CACNA1A: variants seen among roughly 807,000 people sequenced by gnomAD.
The protein encoded by CACNA1A is calcium voltage-gated channel subunit alpha1 A, also known as voltage-dependent P/Q-type calcium channel subunit alpha-1A.
CACNA1A carries 57 observed loss-of-function variants against 262.4 expected under a neutral mutation model. That is an observed-to-expected ratio of 0.22 (90% CI 0.18 to 0.27). The LOEUF (loss-of-function observed/expected upper bound fraction) is 0.27. Among genes scored for constraint, CACNA1A ranks in the 10% least tolerant of loss-of-function variants. The pLI is 1.00. For synonymous variants in CACNA1A, 1,431 were observed against 1,419.3 expected (o/e 1.01, Z -0.18); for missense variants, 2,526 against 3,562.8 (o/e 0.71, Z 7.41).
At chr19:13,219,945 G>A (rs1347688430) in intron 38 of CACNA1A, among the ~76,000 whole-genome samples, 5 of 67,546 alleles carry the variant, frequency 7.4e-5, no homozygotes, top group Non-Finnish European at 1.1e-4. Flanking sequence ...ACAAGACTCC[G>A]TTTCAAAAAA....
chr19:13,307,861 GGA>G lies in CACNA1A; in HGVS notation c.1914-9_1914-8del. On this transcript the variant is annotated splice_region_variant and splice_polypyrimidine_tract_variant and intron_variant, in intron 14 of 46. Coordinates refer to ENST00000360228, the MANE Select transcript of CACNA1A (RefSeq NM_001127222.2). Reference sequence around the variant, plus strand: ...CCCTTCATCGAAATTAAACCTGCAGGGAGGACACAGACATTTCACGTTGGCCC... The same window carrying G: ...CCCTTCATCGAAATTAAACCTGCAGGGGACACAGACATTTCACGTTGGCCC... 1 of 1,613,066 alleles carries G rather than the reference GGA, an allele frequency of 6.2e-7. No homozygotes were observed. The highest frequency in any genetic ancestry group is 8.5e-7 in the Non-Finnish European group (1 of 1,179,060).
intron 3 of CACNA1A, among the ~76,000 whole-genome samples, chr19:13,378,467 T>C (rs2059454959): frequency 6.6e-6 from 1 of 151,238 alleles, no homozygotes; most frequent in Non-Finnish European, 1.5e-5. Context: ...AAAGGAAGAG[T>C]CGATGGATGC....
At chr19:13,442,175 G>A (rs761363953) in intron 3 of CACNA1A, among the ~76,000 whole-genome samples, 1 of 152,156 alleles carries the variant, frequency 6.6e-6, no homozygotes, top group Non-Finnish European at 1.5e-5. Context: ...TAATTTGGGA[G>A]GTAATGCAAG....
chr19:13,455,866 T>TAC (rs1285677805), intron 1 of CACNA1A, among the ~76,000 whole-genome samples: 1 of 121,008 alleles, frequency 8.3e-6, no homozygotes, highest in Non-Finnish European at 1.6e-5. Flanking sequence ...GGAGGCCCTG[T>TAC]CTCAAAAAAA....
chr19:13,324,866 C>G (rs553644641), intron 10 of CACNA1A, among the ~76,000 whole-genome samples: 39 of 152,286 alleles, frequency 2.6e-4, no homozygotes, highest in Non-Finnish European at 5.6e-4. Flanking sequence ...AGAGCAAGAA[C>G]CTGCCTTTAA....
chr19:13,500,064 T>A (rs1459334807), intron 1 of CACNA1A, among the ~76,000 whole-genome samples: 1 of 152,134 alleles, frequency 6.6e-6, no homozygotes, highest in African/African-American at 2.4e-5. Flanking sequence ...TCCAATCTAC[T>A]CAAGCACTAA....
Position 13,442,000 on chromosome 19 carries a change from C to G in CACNA1A, c.539+10876G>C, listed in dbSNP as rs950683661. Among the ~76,000 whole-genome samples the G allele has an allele frequency of 2.6e-5, 4 of 152,296 alleles. No homozygotes were observed. In the East Asian group the frequency reaches 5.8e-4, roughly 22 times the overall value. On this transcript the variant is annotated intron_variant, in intron 3 of 46. Coordinates refer to ENST00000360228, the MANE Select transcript of CACNA1A (RefSeq NM_001127222.2). The stretch of plus-strand genomic sequence containing the variant: ...GCCATCTGGCCTTTACTCAGTCCCT[C>G]TCCACCCCAGCTGGAGGCAGAGGGA...
intron 31 of CACNA1A, chr19:13,243,561 C>CT (rs770113082): frequency 2.7e-4 from 40 of 148,770 alleles, no homozygotes; most frequent in African/African-American, 4.7e-4. Context: ...TTCTTTCTTT[C>CT]TTTTTTTTTT....
At chr19:13,504,221 C>G (rs1982742714) in intron 1 of CACNA1A, among the ~76,000 whole-genome samples, 1 of 152,208 alleles carries the variant, frequency 6.6e-6, no homozygotes, top group Non-Finnish European at 1.5e-5. Context: ...CAAGCCACCC[C>G]TGAGCACTTC....
At chr19:13,317,808 T>C (rs1201220911) in intron 10 of CACNA1A, among the ~76,000 whole-genome samples, 3 of 152,336 alleles carry the variant, frequency 2.0e-5, no homozygotes, top group East Asian at 3.9e-4. Context: ...TGCCTACATA[T>C]AGTTTTGCTC....
At chr19:13,273,602 T>G (rs1266206896) in intron 24 of CACNA1A, 1 of 150,488 alleles carries the variant, frequency 6.6e-6, no homozygotes, top group East Asian at 1.9e-4. Flanking sequence ...TGTATTTTGT[T>G]TAATTAATTA....
intron 1 of CACNA1A, among the ~76,000 whole-genome samples, chr19:13,471,816 T>C (rs913271496): frequency 3.3e-5 from 5 of 152,156 alleles, no homozygotes; most frequent in African/African-American, 1.2e-4. Flanking sequence ...AACTGCCTCA[T>C]GGATACAGGG....
At chr19:13,448,729 C>T (rs2060861618) in intron 3 of CACNA1A, among the ~76,000 whole-genome samples, 1 of 152,120 alleles carries the variant, frequency 6.6e-6, no homozygotes. Context: ...TGGGAGAAAG[C>T]AGGGACACTT....
intron 25 of CACNA1A, 91 bp from the exon 26 acceptor site, chr19:13,261,701 G>C (rs1022804399): frequency 1.6e-6 from 2 of 1,262,570 alleles, no homozygotes; most frequent in African/African-American, 3.0e-5. Context: ...ATACTGCCAT[G>C]ATCATTCCCA....
intron 19 of CACNA1A, among the ~76,000 whole-genome samples, chr19:13,293,915 T>G (rs2057601328): frequency 6.6e-6 from 1 of 152,120 alleles, no homozygotes; most frequent in Admixed American, 6.6e-5. Flanking sequence ...TCCTTGCCTT[T>G]CACAACCAGG....
At chr19:13,265,238 C>T (rs1309191825) in intron 24 of CACNA1A, among the ~76,000 whole-genome samples, 1 of 152,218 alleles carries the variant, frequency 6.6e-6, no homozygotes, top group Non-Finnish European at 1.5e-5. Context: ...GGTCTCAGGA[C>T]ACGTGAATGC....
At chr19:13,382,535 A>G (rs2059541631) in intron 3 of CACNA1A, among the ~76,000 whole-genome samples, 1 of 152,102 alleles carries the variant, frequency 6.6e-6, no homozygotes, top group African/African-American at 2.4e-5. Context: ...GTGGTAGGGG[A>G]GAGGTTGGGT....
Position 13,230,090 on chromosome 19 carries a change from G to A in CACNA1A, c.5520C>T (p.Pro1840=), listed in dbSNP as rs754521399. Residue 1840 remains proline, a synonymous_variant, in exon 36 of 47, where the codon CCC becomes CCT. Transcript: ENST00000360228. The part of the protein sequence containing the change: ...EYVRVWAEYD[P]AAWGRMPYLD... ...TCGGGGTGACTTCTTACCAAGCTGC[G>A]GGGTCATACTCGGCCCAGACACGCA... 9.9e-6 allele frequency: 16 copies of A among 1,613,344 alleles called. No homozygotes were observed. Among genetic ancestry groups the A allele is most frequent in the Middle Eastern group, 3.3e-4 (2 of 6,078 alleles).
At chr19:13,435,978 C>T (rs752546412) in intron 3 of CACNA1A, among the ~76,000 whole-genome samples, 4 of 152,144 alleles carry the variant, frequency 2.6e-5, no homozygotes, top group East Asian at 1.9e-4. Context: ...GGATGCACCA[C>T]CAAACCCAGC....
Sources: gnomAD v4.1 joint callset for allele counts (sites outside exome capture counted in the v4.1 genomes callset) on GRCh38, gnomAD v4.1.1 for gene constraint, MANE v1.5 for transcripts, NCBI Gene and HGNC (gene_info 2026-07-23, HGNC 2026-07-21) for gene names.